The following TOP1 variants were observed in gnomAD, a reference collection of about 807,000 sequenced individuals.
TOP1 encodes the protein DNA topoisomerase I, also known as DNA topoisomerase 1.
In TOP1, 10 loss-of-function variants were observed where a neutral mutation model predicts 111.1. The observed-to-expected ratio is 0.09, with a 90% CI of 0.06 to 0.15. TOP1 has a LOEUF of 0.15. Ranked by LOEUF, TOP1 falls within the 10% of genes least tolerant of loss-of-function variation. TOP1 has a pLI of 1.00. For synonymous variants in TOP1, 271 were observed against 302.9 expected, an observed-to-expected ratio of 0.89 and a Z score of 1.10; for missense variants, 474 against 926.7, an observed-to-expected ratio of 0.51 and a Z score of 6.34.
In TOP1 at chr20:41,069,349, G is replaced by T. The variant is rs2145931058; in HGVS notation, c.156-6822G>T. On this transcript the variant is annotated intron_variant, in intron 3 of 20. Coordinates refer to ENST00000361337, the MANE Select transcript of TOP1 (RefSeq NM_003286.4). This position sits in a 1 kb window ranked among gnomAD's most constrained non-coding sequence, Gnocchi z 4.1. ...CTGTGGGAAATGGACAACTAACATG[G>T]GTAGGCAGAGAAGATTGAACAGTTT... 6.6e-6 allele frequency among the ~76,000 whole-genome samples: 1 copy of T among 152,150 alleles called. No homozygotes were observed. Among genetic ancestry groups the T allele is most frequent in the East Asian group, 1.9e-4 (1 of 5,200 alleles).
At position 41,064,824 on chromosome 20, in the gene TOP1, T is replaced by TG. The variant is rs537581307; in HGVS notation, c.155+3336dup. ...GTCTTTACTTTTCCCTATGGCCTCC[T>TG]GGACTCTAAAGTCCCTGAAAGCAGA... is the stretch of plus-strand genomic sequence containing the variant. On this transcript the variant is annotated intron_variant, in intron 3 of 20. Transcript: ENST00000361337. 6.1e-3 allele frequency among the ~76,000 whole-genome samples: 923 copies of TG among 152,280 alleles called. 7 individuals carry two copies. Among genetic ancestry groups the TG allele is most frequent in the South Asian group, 0.019 (90 of 4,824 alleles).
chr20:41,112,845 C>T lies in TOP1; in HGVS notation c.1372C>T (p.Arg458Trp), dbSNP rs2145964080. The change falls in exon 14 of 21, where the codon CGG becomes TGG. Residue 458 changes from arginine to tryptophan, a missense_variant. By Grantham distance (101) the Arg-to-Trp change is moderately radical (BLOSUM62 -3). Around this residue, in one of 14 missense-constraint regions of TOP1, gnomAD observed 14 missense variants for 22.2 expected, o/e 0.63. Transcript: ENST00000361337. This position sits in a 1 kb window ranked among gnomAD's most constrained non-coding sequence, Gnocchi z 5.8. ...GCTGAAAAAATGTGTGGACAAGATC[C>T]GGAACCAGTATCGAGAAGACTGGAA... The part of the protein sequence containing the change: ...RRLKKCVDKI[R>W]NQYREDWKSK... The T allele has an allele frequency of 6.2e-7, 1 of 1,614,220 alleles. No homozygotes were observed. The highest frequency in any genetic ancestry group is 8.5e-7 in the Non-Finnish European group (1 of 1,180,042).
At chr20:41,072,587 C>T (rs1399669846) in intron 3 of TOP1, 10 of 985,322 alleles carry the variant, frequency 1.0e-5, no homozygotes, top group Non-Finnish European at 1.2e-5. Context: ...TTTGCTACTT[C>T]CTTCAGGCAC....
chr20:41,029,356 C>A lies in TOP1; in HGVS notation c.34-75C>A. Reference sequence around the variant, plus strand: ...CCCCGGGGGCGCAGGGTGAGCCAGACCCCGGCCGCGCGCGCTCGCCGCCGG... The same window carrying A: ...CCCCGGGGGCGCAGGGTGAGCCAGAACCCGGCCGCGCGCGCTCGCCGCCGG... On this transcript the variant is annotated intron_variant, in intron 1 of 20. Transcript: ENST00000361337. This position sits in a 1 kb window ranked among gnomAD's most constrained non-coding sequence, Gnocchi z 6.1. 7.3e-7 allele frequency: 1 copy of A among 1,375,428 alleles called. No individual in the cohort carries two copies. Among genetic ancestry groups the A allele is most frequent in the African/African-American group, 1.5e-5 (1 of 66,108 alleles). The allele number at this position is 1,375,428 out of a possible 1,614,324, so 85.2% of individuals were successfully genotyped here.
chr20:41,043,163 C>T (rs1279712615), intron 2 of TOP1, among the ~76,000 whole-genome samples: 1 of 152,256 alleles, frequency 6.6e-6, no homozygotes, highest in Non-Finnish European at 1.5e-5. Flanking sequence ...CCCATACCTA[C>T]TGACTCTTAA....
At position 41,080,009 on chromosome 20, in the gene TOP1, A is replaced by C. The variant is rs2033770581; in HGVS notation, c.336-76A>C. ...ATTTCTGTTAGCTTCTTTTCAACGA[A>C]ATGACATATTCCTTCTTTGTATTAA... On this transcript the variant is annotated intron_variant, in intron 5 of 20. Coordinates refer to ENST00000361337, the MANE Select transcript of TOP1 (RefSeq NM_003286.4). This position sits in a 1 kb window ranked among gnomAD's most constrained non-coding sequence, Gnocchi z 5.0. 2.3e-6 allele frequency: 2 copies of C among 887,988 alleles called. No individual in the cohort carries two copies. The highest frequency in any genetic ancestry group is 2.2e-5 in the Admixed American group (1 of 44,680). The allele number at this position is 887,988 out of a possible 1,614,324, so 55.0% of individuals were successfully genotyped here.
intron 2 of TOP1, among the ~76,000 whole-genome samples, chr20:41,059,740 A>G (rs1012056538): frequency 6.6e-6 from 1 of 152,190 alleles, no homozygotes; most frequent in African/African-American, 2.4e-5. Flanking sequence ...GAAAGACACC[A>G]TTAAGAAATA....
At chr20:41,090,798 G>C (rs1273499441) in intron 8 of TOP1, among the ~76,000 whole-genome samples, 2 of 152,178 alleles carry the variant, frequency 1.3e-5, no homozygotes, top group Non-Finnish European at 1.5e-5. Context: ...GAGGTACTCT[G>C]CCCAGCTGCA....
chr20:41,092,654 A>C lies in TOP1; in HGVS notation c.730+67A>C. 1 of 766,488 alleles carries C rather than the reference A, an allele frequency of 1.3e-6. No homozygotes were observed. The highest frequency in any genetic ancestry group is 2.5e-5 in the Admixed American group (1 of 39,434). The allele number at this position is 766,488 out of a possible 1,614,324, so 47.5% of individuals were successfully genotyped here. ...AATCTGCTTCTATTTAGGGATAGAA[A>C]ACAAGGAAGGATCCTATGTAATAGA... On this transcript the variant is annotated intron_variant, in intron 9 of 20. Coordinates refer to ENST00000361337, the MANE Select transcript of TOP1 (RefSeq NM_003286.4). This position sits in a 1 kb window ranked among gnomAD's most constrained non-coding sequence, Gnocchi z 4.3.
At position 41,066,561 on chromosome 20, in the gene TOP1, T is replaced by TC. The variant is rs533869336; in HGVS notation, c.155+5071_155+5072insC. On this transcript the variant is annotated intron_variant, in intron 3 of 20. Transcript: ENST00000361337. ...CTTTTGTGCCTCTTTTCTTTTCTTTTTTTTTTTTTTTTTGAGACAGTCTTG... is the reference window on the plus strand; with the variant it reads ...CTTTTGTGCCTCTTTTCTTTTCTTTTCTTTTTTTTTTTTTGAGACAGTCTTG... Among the ~76,000 whole-genome samples the TC allele has an allele frequency of 5.0e-3, 748 of 148,792 alleles. 3 individuals carry two copies. Among genetic ancestry groups the TC allele is most frequent in the Admixed American group, 9.1e-3 (136 of 15,002 alleles).
At chr20:41,049,225 G>A (rs2033371844) in intron 2 of TOP1, among the ~76,000 whole-genome samples, 1 of 152,212 alleles carries the variant, frequency 6.6e-6, no homozygotes, top group African/African-American at 2.4e-5. Flanking sequence ...AATTCTTGAA[G>A]TGTTTTTAAG....
rs1457602311 is a variant in TOP1 at position 41,106,213 on chromosome 20, T to G, written c.1308+4860T>G. 3.3e-5 allele frequency among the ~76,000 whole-genome samples: 5 copies of G among 152,228 alleles called. No individual in the cohort carries two copies. Among genetic ancestry groups the G allele is most frequent in the South Asian group, 2.1e-4 (1 of 4,834 alleles). ...TATATGTCAGACTGTTTCTGGGCTG[T>G]CTGTCCTCTTTAATTAGTTCGTGTA... On this transcript the variant is annotated intron_variant, in intron 13 of 20. Transcript: ENST00000361337. The surrounding 1 kb of genome is among the most constrained non-coding windows in gnomAD (Gnocchi z 4.3).
rs1007539674 is a variant in TOP1 at position 41,028,846 on chromosome 20, C to G, written c.-222C>G. On this transcript the variant is annotated 5_prime_UTR_variant, in exon 1 of 21. Transcript: ENST00000361337. ...CCAAATGCGAACTTAGGCTGTTACA[C>G]AACTGCTGGGGTCTGTTCTCGCCGC... 5 of 534,750 alleles carry G rather than the reference C, an allele frequency of 9.4e-6. No homozygotes were observed. Among genetic ancestry groups the G allele is most frequent in the African/African-American group, 4.1e-5 (2 of 49,338 alleles). The allele number at this position is 534,750 out of a possible 1,614,324, so 33.1% of individuals were successfully genotyped here.
chr20:41,108,454 T>C (rs2034182020), intron 13 of TOP1, among the ~76,000 whole-genome samples: 1 of 152,170 alleles, frequency 6.6e-6, no homozygotes, highest in African/African-American at 2.4e-5. Flanking sequence ...TTCTGGAAAC[T>C]TGGATTGGCC....
At chr20:41,077,558 A>G (rs2033743327) in intron 4 of TOP1, 24 bp from the exon 5 acceptor site, 1 of 1,605,232 alleles carries the variant, frequency 6.2e-7, no homozygotes, top group Non-Finnish European at 8.5e-7. Flanking sequence ...TCAAGGTACT[A>G]GTTACTGTTG....
chr20:41,039,304 C>G (rs1258584482), intron 2 of TOP1, among the ~76,000 whole-genome samples: 1 of 152,156 alleles, frequency 6.6e-6, no homozygotes, highest in Non-Finnish European at 1.5e-5. Flanking sequence ...TGCTGTCATA[C>G]AACATGAATG....
intron 13 of TOP1, among the ~76,000 whole-genome samples, chr20:41,104,873 T>C (rs1186149411): frequency 6.6e-6 from 1 of 152,212 alleles, no homozygotes; most frequent in Non-Finnish European, 1.5e-5. Context: ...TTTTTAACTT[T>C]ATATTGCCAG....
intron 17 of TOP1, among the ~76,000 whole-genome samples, chr20:41,117,102 C>T (rs562248712): frequency 6.6e-6 from 1 of 152,194 alleles, no homozygotes; most frequent in African/African-American, 2.4e-5. Context: ...CCTGTAATCC[C>T]AACACTTGGG....
At chr20:41,113,924 C>A in intron 14 of TOP1, 46 bp from the exon 15 acceptor site, 15 of 1,261,798 alleles carry the variant, frequency 1.2e-5, no homozygotes, top group Non-Finnish European at 1.4e-5. Context: ...GTGTAAGGAT[C>A]ATGTCTCTTC....
Sources: allele counts gnomAD v4.1 joint callset (sites outside exome capture counted in the v4.1 genomes callset), GRCh38; gene constraint gnomAD v4.1.1; regional missense constraint gnomAD v4.1.1; non-coding constraint Gnocchi (gnomAD v3.1); transcripts MANE v1.5; gene names NCBI Gene and HGNC (gene_info 2026-07-23, HGNC 2026-07-21).